CFAP61: variants seen among roughly 807,000 people sequenced by gnomAD.
CFAP61 encodes the protein cilia and flagella associated protein 61, also known as cilia- and flagella-associated protein 61.
CFAP61 carries 107 observed loss-of-function variants against 135.6 expected under a neutral mutation model. That is an observed-to-expected ratio of 0.79 (90% confidence interval 0.67 to 0.93). The LOEUF (loss-of-function observed/expected upper bound fraction) is 0.93, where lower values mean the gene tolerates loss of function less well. Ranked by LOEUF, CFAP61 falls within the 40% of genes least tolerant of loss-of-function variation. The pLI is 0.00. For synonymous variants in CFAP61, 575 were observed against 578.5 expected (o/e 0.99, Z 0.09); for missense variants, 1,507 against 1,556.2 (o/e 0.97, Z 0.53).
At chr20:20,308,140 A>T (rs906611161) in intron 25 of CFAP61, among the ~76,000 whole-genome samples, 1 of 152,200 alleles carries the variant, frequency 6.6e-6, no homozygotes, top group Non-Finnish European at 1.5e-5. Context: ...AGCGGAGAAT[A>T]GAGCATTTCC....
intron 26 of CFAP61, among the ~76,000 whole-genome samples, chr20:20,344,540 C>G (rs1461707349): frequency 2.0e-5 from 3 of 152,108 alleles, no homozygotes. Context: ...AAACTCAAAA[C>G]TGCAGTGAAA....
chr20:20,299,243 C>T (rs1029623084), intron 25 of CFAP61, among the ~76,000 whole-genome samples: 2 of 152,230 alleles, frequency 1.3e-5, no homozygotes, highest in African/African-American at 2.4e-5. Context: ...TATGGGCCCA[C>T]TGCCTATGTT....
At chr20:20,143,330 C>G (rs1444231032) in intron 9 of CFAP61, among the ~76,000 whole-genome samples, 1 of 152,168 alleles carries the variant, frequency 6.6e-6, no homozygotes, top group African/African-American at 2.4e-5. Flanking sequence ...CCTTACTGCC[C>G]TGACTGGTCC....
intron 25 of CFAP61, among the ~76,000 whole-genome samples, chr20:20,321,996 G>C (rs2057539136): frequency 6.6e-6 from 1 of 152,160 alleles, no homozygotes; most frequent in Non-Finnish European, 1.5e-5. Flanking sequence ...TGACATATAA[G>C]AAGTCTAACT....
rs1410263 is a variant in CFAP61 at position 20,288,987 on chromosome 20, C to G, written c.3124+51C>G. The G allele has an allele frequency of 0.47, 689,696 of 1,466,158 alleles. 163,977 individuals carry two copies. The highest frequency in any genetic ancestry group is 0.56 in the Middle Eastern group (3,051 of 5,446). The allele number at this position is 1,466,158 out of a possible 1,614,324, so 90.8% of individuals were successfully genotyped here. Reference sequence around the variant, plus strand: ...TGATGAAGCCACAGATTAGGTATGGCTCAGCAGTCAGGCCAGTCCTCCAGG... The same window carrying G: ...TGATGAAGCCACAGATTAGGTATGGGTCAGCAGTCAGGCCAGTCCTCCAGG... On this transcript the variant is annotated intron_variant, in intron 23 of 26. Transcript: ENST00000245957.
chr20:20,124,908 G>A (rs1447163236), intron 8 of CFAP61, among the ~76,000 whole-genome samples: 4 of 151,618 alleles, frequency 2.6e-5, no homozygotes, highest in Admixed American at 2.6e-4. Context: ...CTTATTATTG[G>A]TCTATTTAGG....
intron 2 of CFAP61, among the ~76,000 whole-genome samples, chr20:20,060,351 G>GCT (rs2044705269): frequency 2.6e-5 from 4 of 152,158 alleles, no homozygotes; most frequent in Admixed American, 2.0e-4. Flanking sequence ...TGGAGGAACA[G>GCT]AGAATACCTC....
Position 20,181,919 on chromosome 20 carries a change from G to T in CFAP61, c.1386-6011G>T, listed in dbSNP as rs188864198. 1.2e-4 allele frequency among the ~76,000 whole-genome samples: 19 copies of T among 152,326 alleles called. No individual in the cohort carries two copies. The East Asian group carries it at 2.7e-3, about 22-fold the overall frequency. On this transcript the variant is annotated intron_variant, in intron 13 of 26. Coordinates refer to ENST00000245957, the MANE Select transcript of CFAP61 (RefSeq NM_015585.4). ...TAGGCCATGGGACTGAAAGATGGGAGCCACCATAATGGCTAAAATGAAAGA... is the reference window on the plus strand; with the variant it reads ...TAGGCCATGGGACTGAAAGATGGGATCCACCATAATGGCTAAAATGAAAGA...
chr20:20,090,291 C>A (rs979305165), intron 6 of CFAP61, among the ~76,000 whole-genome samples: 6 of 152,210 alleles, frequency 3.9e-5, no homozygotes, highest in Non-Finnish European at 7.4e-5. Flanking sequence ...GAGGTCCTCC[C>A]TGACCACTTG....
intron 8 of CFAP61, among the ~76,000 whole-genome samples, chr20:20,121,103 CTTTTTTTTT>C (rs869290856): frequency 2.6e-5 from 3 of 113,612 alleles, no homozygotes; most frequent in Non-Finnish European, 5.3e-5. Context: ...TTTATTTTTA[CTTTTTTTTT>C]TTTTTTTTTT....
chr20:20,056,105 G>A lies in CFAP61; in HGVS notation c.-36-513G>A, dbSNP rs577686399. 11 of 899,948 alleles carry A rather than the reference G, an allele frequency of 1.2e-5. No individual in the cohort carries two copies. In the South Asian group the frequency reaches 1.7e-4, roughly 14 times the overall value. The allele number at this position is 899,948 out of a possible 1,614,324, so 55.7% of individuals were successfully genotyped here. On this transcript the variant is annotated intron_variant, in intron 1 of 26. Coordinates refer to ENST00000245957, the MANE Select transcript of CFAP61 (RefSeq NM_015585.4). ...TATGGAACCTCTCAAAGATGTTAAT[G>A]GGCCTGGTGGCCCTTCAGGAAGCCT...
intron 2 of CFAP61, among the ~76,000 whole-genome samples, chr20:20,061,390 C>G (rs2044784892): frequency 6.6e-6 from 1 of 152,042 alleles, no homozygotes; most frequent in African/African-American, 2.4e-5. Context: ...CAGATTGGCT[C>G]AAAACAAAAC....
chr20:20,159,440 C>A lies in CFAP61; in HGVS notation c.1022C>A (p.Pro341Gln). Residue 341 changes from proline (P) to glutamine (Q), a missense_variant, in exon 10 of 27, where the codon CCG becomes CAG. Transcript: ENST00000245957. Reference protein sequence around the residue: ...TAVQSGNVSEPEDIEKLSDIS... With the variant: ...TAVQSGNVSEQEDIEKLSDIS... ...GTCCAAAGTGGAAATGTTAGTGAAC[C>A]GGAGGTAGGGTTTGACGAGGGCCTT... 1.2e-6 allele frequency: 2 copies of A among 1,613,610 alleles called. No individual in the cohort carries two copies.
intron 25 of CFAP61, among the ~76,000 whole-genome samples, chr20:20,306,947 G>A (rs148360181): frequency 2.3e-4 from 35 of 152,238 alleles, no homozygotes; most frequent in African/African-American, 7.7e-4. Flanking sequence ...ATTTGCACAC[G>A]TCTGTTGACT....
At chr20:20,179,533 T>C (rs1226313219) in intron 13 of CFAP61, among the ~76,000 whole-genome samples, 2 of 152,184 alleles carry the variant, frequency 1.3e-5, no homozygotes, top group Non-Finnish European at 2.9e-5. Context: ...AAAAACTGTT[T>C]TGATATTCAT....
intron 25 of CFAP61, among the ~76,000 whole-genome samples, chr20:20,320,241 A>G (rs941149700): frequency 6.9e-6 from 1 of 145,958 alleles, no homozygotes; most frequent in African/African-American, 2.6e-5. Flanking sequence ...AGGTGATTGG[A>G]AATTTGAAAC....
chr20:20,099,945 C>T (rs2047893009), intron 8 of CFAP61, among the ~76,000 whole-genome samples: 1 of 152,080 alleles, frequency 6.6e-6, no homozygotes, highest in Admixed American at 6.5e-5. Context: ...CCTGCAAAGC[C>T]ACAGATAGAG....
chr20:20,201,456 G>A (rs2056616778), intron 17 of CFAP61, among the ~76,000 whole-genome samples: 1 of 152,174 alleles, frequency 6.6e-6, no homozygotes, highest in South Asian at 2.1e-4. Context: ...AAGGTCACAG[G>A]CATATTCTTA....
chr20:20,202,049 A>G lies in CFAP61; in HGVS notation c.1932+2147A>G, dbSNP rs572214733. 1.6e-3 allele frequency among the ~76,000 whole-genome samples: 240 copies of G among 146,226 alleles called. 2 individuals are homozygous for G. The highest frequency in any genetic ancestry group is 5.8e-3 in the African/African-American group (233 of 40,148). On this transcript the variant is annotated intron_variant, in intron 17 of 26. Transcript: ENST00000245957. ...TGGAGCTCTAGGTGGGGAGAAAGCC[A>G]GAGAGAACATTTTATTTCATTTAAA...
Sources: allele counts gnomAD v4.1 joint callset (sites outside exome capture counted in the v4.1 genomes callset), GRCh38; gene constraint gnomAD v4.1.1; transcripts MANE v1.5; gene names NCBI Gene and HGNC (gene_info 2026-07-23, HGNC 2026-07-21).